The following CRTC3 variants were observed in gnomAD, a reference collection of about 807,000 sequenced individuals.
CRTC3 encodes the protein CREB regulated transcription coactivator 3, also known as CREB-regulated transcription coactivator 3.
CRTC3 carries 26 observed loss-of-function variants against 74.5 expected under a neutral mutation model. The ratio of observed to expected loss-of-function variants is 0.35; its 90% CI spans 0.26 to 0.48. The LOEUF (loss-of-function observed/expected upper bound fraction) is 0.48. Ranked by LOEUF, CRTC3 falls within the 20% of genes least tolerant of loss-of-function variation. The probability of loss-of-function intolerance (pLI) is 0.99; values close to 1 mark genes in which losing one functional copy is unlikely to be tolerated. For synonymous variants in CRTC3, 377 were observed against 325.8 expected (o/e 1.16, Z -1.69); for missense variants, 760 against 787.3 (o/e 0.97, Z 0.41).
intron 4 of CRTC3, among the ~76,000 whole-genome samples, chr15:90,603,315 C>A (rs528138066): frequency 6.7e-6 from 1 of 148,540 alleles, no homozygotes; most frequent in Non-Finnish European, 1.5e-5. Context: ...TGGTGGCAGG[C>A]GCCTGTAGTC....
chr15:90,626,607 GAC>G (rs1968842569), intron 10 of CRTC3, among the ~76,000 whole-genome samples: 1 of 141,558 alleles, frequency 7.1e-6, no homozygotes, highest in African/African-American at 3.0e-5. Context: ...TTTGAAGCCT[GAC>G]ACTTTTTTTT....
intron 2 of CRTC3, among the ~76,000 whole-genome samples, chr15:90,546,998 T>C (rs1966845427): frequency 6.6e-6 from 1 of 152,256 alleles, no homozygotes; most frequent in Non-Finnish European, 1.5e-5. Context: ...CTTTATAATA[T>C]GGAGTCTTCC....
intron 2 of CRTC3, among the ~76,000 whole-genome samples, chr15:90,561,878 T>G (rs923548487): frequency 6.6e-5 from 10 of 152,236 alleles, no homozygotes; most frequent in Admixed American, 5.9e-4. Context: ...AAGCTTTAGT[T>G]GTTTATTATT....
In CRTC3 at chr15:90,625,928, G is replaced by A. The variant is rs140194183; in HGVS notation, c.902G>A (p.Ser301Asn). ...DTTDHHFGSM[S>N]VGNSVNNIPA... Reference sequence around the variant, plus strand: ...ACCGACCACCACTTTGGCAGTATGAGTGTGGGGAATAGTGTGAACAACATC... The same window carrying A: ...ACCGACCACCACTTTGGCAGTATGAATGTGGGGAATAGTGTGAACAACATC... The change falls in exon 10 of 15, where the codon AGT (serine) becomes AAT (asparagine). Residue 301 changes from serine to asparagine, a missense_variant. Transcript: ENST00000268184. 149 of 1,614,202 alleles carry A rather than the reference G, an allele frequency of 9.2e-5. No homozygotes were observed. In the African/African-American group the frequency reaches 1.6e-3, roughly 17 times the overall value.
At chr15:90,626,345 C>T (rs1968834066) in intron 10 of CRTC3, among the ~76,000 whole-genome samples, 1 of 152,156 alleles carries the variant, frequency 6.6e-6, no homozygotes, top group Non-Finnish European at 1.5e-5. Context: ...TAATTTAGGC[C>T]ATCTCTCTGG....
In CRTC3 at chr15:90,644,541, GAA is replaced by G. The variant is rs1167019824; in HGVS notation, c.*2404_*2405del. 2.6e-5 allele frequency: 6 copies of G among 232,858 alleles called. No individual in the cohort carries two copies. The highest frequency in any genetic ancestry group is 5.1e-5 in the Non-Finnish European group (6 of 117,964). 14.4% of individuals were successfully genotyped at this position (232,858 alleles called of 1,614,324 possible). ...CAAAGGCGTTCTCCAGGTGACTTGT[GAA>G]AACAGACCTCCGGGGAAGTGATTTA... On this transcript the variant is annotated 3_prime_UTR_variant, in exon 15 of 15. Transcript: ENST00000268184.
At chr15:90,605,474 C>T (rs1968192661) in intron 5 of CRTC3, among the ~76,000 whole-genome samples, 4 of 152,178 alleles carry the variant, frequency 2.6e-5, no homozygotes, top group South Asian at 4.1e-4. Context: ...TTTTAAAAAA[C>T]ATAACCACAA....
At chr15:90,627,850 A>G (rs530056189) in intron 10 of CRTC3, among the ~76,000 whole-genome samples, 34 of 69,720 alleles carry the variant, frequency 4.9e-4, no homozygotes, top group Admixed American at 4.0e-3. Context: ...TCCTGACCTC[A>G]TGATCCACCC....
intron 2 of CRTC3, among the ~76,000 whole-genome samples, chr15:90,545,742 A>G (rs1327092117): frequency 9.6e-6 from 1 of 104,380 alleles, no homozygotes; most frequent in Non-Finnish European, 2.4e-5. Context: ...ACGCCCGGGT[A>G]ATTTTTTTTG....
chr15:90,642,262 C>A lies in CRTC3; in HGVS notation c.*122C>A, dbSNP rs574253586. 15 of 755,484 alleles carry A rather than the reference C, an allele frequency of 2.0e-5. No individual in the cohort carries two copies. Among genetic ancestry groups the A allele is most frequent in the Non-Finnish European group, 3.3e-5 (15 of 457,136 alleles). The allele number at this position is 755,484 out of a possible 1,614,324, so 46.8% of individuals were successfully genotyped here. A position where few individuals can be genotyped will look rare whatever the true frequency, so the allele number is the denominator to read the frequency against. ...GACATAGAAGGAAGCAATGCCACGG[C>A]TCCAGGGTTTCAGATGAGATCCCAT... On this transcript the variant is annotated 3_prime_UTR_variant, in exon 15 of 15. Coordinates refer to ENST00000268184, the MANE Select transcript of CRTC3 (RefSeq NM_022769.5).
At chr15:90,603,200 T>C (rs1053885375) in intron 4 of CRTC3, among the ~76,000 whole-genome samples, 3 of 151,896 alleles carry the variant, frequency 2.0e-5, no homozygotes, top group Non-Finnish European at 4.4e-5. Context: ...TCCCAGCACT[T>C]TGGGAGGCCA....
At chr15:90,606,601 C>A (rs1362959957) in intron 5 of CRTC3, among the ~76,000 whole-genome samples, 6 of 151,846 alleles carry the variant, frequency 4.0e-5, no homozygotes, top group African/African-American at 4.8e-5. Context: ...AATATTGAGG[C>A]CCTCAAAGAG....
At chr15:90,549,794 C>G (rs924800586) in intron 2 of CRTC3, among the ~76,000 whole-genome samples, 4 of 151,300 alleles carry the variant, frequency 2.6e-5, no homozygotes, top group Non-Finnish European at 5.9e-5. Context: ...CTTCTGCCTC[C>G]CAGGTTCAAG....
Position 90,641,103 on chromosome 15 carries a change from C to T in CRTC3, c.1555C>T (p.Leu519=). ...TGACCTTCGATGCTTCCAGGTGCCT[C>T]TGGTGCAACAAGGTTCCCGAGAACT... ...PGPAFPQQVP[L]VQQGSRELQD... is the part of the protein sequence containing the mutation. The change falls in exon 14 of 15, where the codon CTG becomes TTG. Residue 519 remains leucine (L), a synonymous_variant. Transcript: ENST00000268184. The T allele has an allele frequency of 6.2e-7, 1 of 1,612,916 alleles. No individual in the cohort carries two copies. The highest frequency in any genetic ancestry group is 2.2e-5 in the East Asian group (1 of 44,874).
chr15:90,623,245 C>G (rs1257099921), intron 9 of CRTC3, among the ~76,000 whole-genome samples: 1 of 152,164 alleles, frequency 6.6e-6, no homozygotes, highest in Non-Finnish European at 1.5e-5. Flanking sequence ...TCAGGTGTTC[C>G]TTCCTGCTTA....
At chr15:90,573,351 T>G (rs1967322088) in intron 2 of CRTC3, among the ~76,000 whole-genome samples, 1 of 152,186 alleles carries the variant, frequency 6.6e-6, no homozygotes, top group South Asian at 2.1e-4. Flanking sequence ...TAGTTTTTGT[T>G]TGGGAGTTTT....
chr15:90,596,312 G>A (rs1336130057), intron 3 of CRTC3: 1 of 152,286 alleles, frequency 6.6e-6, no homozygotes, highest in Non-Finnish European at 1.5e-5. Flanking sequence ...GCAGAGGGAA[G>A]AGAATGTGGT....
chr15:90,634,813 G>A (rs1969173594), intron 11 of CRTC3: 1 of 1,468,438 alleles, frequency 6.8e-7, no homozygotes, highest in Non-Finnish European at 9.4e-7. Flanking sequence ...ACCAAAGGAG[G>A]CATTTTGCTT....
intron 2 of CRTC3, among the ~76,000 whole-genome samples, chr15:90,579,361 T>C (rs1255524227): frequency 2.6e-5 from 4 of 152,140 alleles, no homozygotes; most frequent in Non-Finnish European, 5.9e-5. Context: ...CCGACAGCCT[T>C]GGGGAAGTGG....
Sources: gnomAD v4.1 joint callset for allele counts (sites outside exome capture counted in the v4.1 genomes callset) on GRCh38, gnomAD v4.1.1 for gene constraint, MANE v1.5 for transcripts, NCBI Gene and HGNC (gene_info 2026-07-23, HGNC 2026-07-21) for gene names.